Variants in RSPH9 observed in about 807,000 individuals in gnomAD.
RSPH9 encodes the protein radial spoke head protein 9 homolog.
In RSPH9, 27 loss-of-function variants were observed where a neutral mutation model predicts 27.0. The observed-to-expected ratio is 1.00, with a 90% CI of 0.74 to 1.38. RSPH9 has a LOEUF of 1.38. RSPH9 is among the 40% of genes most tolerant of loss of function. The probability of loss-of-function intolerance (pLI) is 0.00; values close to 1 mark genes in which losing one functional copy is unlikely to be tolerated. For missense variants in RSPH9, 347 were observed against 357.4 expected, an observed-to-expected ratio of 0.97 and a Z score of 0.24; for synonymous variants, 145 against 147.7, an observed-to-expected ratio of 0.98 and a Z score of 0.13.
intron 4 of RSPH9, among the ~76,000 whole-genome samples, chr6:43,667,235 G>A (rs547439906): frequency 6.6e-6 from 1 of 152,356 alleles, no homozygotes; most frequent in Admixed American, 6.5e-5. Context: ...GTAAACTAGA[G>A]GGTGCCTTGC....
chr6:43,669,387 G>A (rs1410439411), intron 4 of RSPH9, among the ~76,000 whole-genome samples: 1 of 152,224 alleles, frequency 6.6e-6, no homozygotes, highest in Non-Finnish European at 1.5e-5. Flanking sequence ...AAGGGTGCAT[G>A]AGCTGCCATG....
intron 4 of RSPH9, among the ~76,000 whole-genome samples, chr6:43,669,070 A>T (rs1033810082): frequency 1.3e-5 from 2 of 152,172 alleles, no homozygotes; most frequent in Non-Finnish European, 2.9e-5. Flanking sequence ...GAGGCAGAGG[A>T]CCTCAAGCAC....
intron 4 of RSPH9, among the ~76,000 whole-genome samples, chr6:43,663,613 GAC>G (rs1772843819): frequency 6.6e-6 from 1 of 152,156 alleles, no homozygotes; most frequent in Non-Finnish European, 1.5e-5. Flanking sequence ...GAAGTCAGAA[GAC>G]ACACATTTAT....
intron 3 of RSPH9, among the ~76,000 whole-genome samples, chr6:43,655,893 T>A (rs183567720): frequency 6.6e-6 from 1 of 152,246 alleles, no homozygotes; most frequent in Non-Finnish European, 1.5e-5. Context: ...CCTGACTCTC[T>A]TCAGTTTGAG....
At chr6:43,658,411 T>G (rs1772269073) in intron 4 of RSPH9, among the ~76,000 whole-genome samples, 2 of 152,196 alleles carry the variant, frequency 1.3e-5, no homozygotes, top group African/African-American at 4.8e-5. Flanking sequence ...GTCACACATT[T>G]TTTGAAAAGT....
At position 43,649,496 on chromosome 6, in the gene RSPH9, T is replaced by C. The variant is rs144040944; in HGVS notation, c.228-879T>C. Among the ~76,000 whole-genome samples, 66 of 151,900 alleles carry C rather than the reference T, an allele frequency of 4.3e-4. No individual in the cohort carries two copies. The East Asian group carries it at 0.012, about 28-fold the overall frequency. ...CTGGTCAGCTGAGCCATTTTTATGT[T>C]AAGGGGGAACTGGTGGAGAGTGAAG... On this transcript the variant is annotated intron_variant, in intron 1 of 4. Coordinates refer to ENST00000372163, the MANE Select transcript of RSPH9 (RefSeq NM_152732.5).
At chr6:43,664,117 G>T (rs981809175) in intron 4 of RSPH9, among the ~76,000 whole-genome samples, 1 of 152,026 alleles carries the variant, frequency 6.6e-6, no homozygotes, top group Non-Finnish European at 1.5e-5. Flanking sequence ...TGGAAAAATG[G>T]CACTGATATA....
chr6:43,660,015 G>A (rs35289332), intron 4 of RSPH9, among the ~76,000 whole-genome samples: 9,149 of 148,182 alleles, frequency 0.062, 324 homozygotes, highest in Middle Eastern at 0.076. Flanking sequence ...GATTACAGGC[G>A]TGAGCCACCA....
intron 4 of RSPH9, among the ~76,000 whole-genome samples, chr6:43,669,560 G>C (rs1323959844): frequency 6.6e-6 from 1 of 152,262 alleles, no homozygotes; most frequent in East Asian, 1.9e-4. Context: ...GCCAGGCTGA[G>C]CTGGCAGCTG....
intron 1 of RSPH9, among the ~76,000 whole-genome samples, chr6:43,647,479 G>A (rs570471262): frequency 2.4e-4 from 37 of 152,316 alleles, no homozygotes; most frequent in Middle Eastern, 3.4e-3. Context: ...GAGGTGATGG[G>A]TTGGAAAGAT....
intron 4 of RSPH9, among the ~76,000 whole-genome samples, chr6:43,664,259 CG>C (rs1326879372): frequency 6.6e-6 from 1 of 152,052 alleles, no homozygotes; most frequent in African/African-American, 2.4e-5. Flanking sequence ...TTATTTGAGA[CG>C]GAGTTTCTCG....
chr6:43,646,829 G>A (rs566314679), intron 1 of RSPH9, among the ~76,000 whole-genome samples: 90 of 151,832 alleles, frequency 5.9e-4, no homozygotes, highest in African/African-American at 2.0e-3. Context: ...GGTGGCGGGC[G>A]CCTGTAGTCC....
At chr6:43,652,131 C>G (rs1201714987) in intron 2 of RSPH9, among the ~76,000 whole-genome samples, 4 of 151,212 alleles carry the variant, frequency 2.6e-5, no homozygotes, top group Admixed American at 2.6e-4. Context: ...ACGGTGAAAC[C>G]CTGTATCTAC....
At chr6:43,648,087 T>C (rs1187542324) in intron 1 of RSPH9, among the ~76,000 whole-genome samples, 2 of 152,056 alleles carry the variant, frequency 1.3e-5, no homozygotes, top group African/African-American at 4.8e-5. Flanking sequence ...CTGACCAACA[T>C]GGCCTGACCC....
At position 43,672,459 on chromosome 6, in the gene RSPH9, G is replaced by C. The variant is rs891404836; in HGVS notation, c.*1510G>C. On this transcript the variant is annotated 3_prime_UTR_variant, in exon 5 of 5. Coordinates refer to ENST00000372163, the MANE Select transcript of RSPH9 (RefSeq NM_152732.5). The stretch of plus-strand genomic sequence containing the variant: ...TAGGAAGGTTCCTGTAAATAGGAGG[G>C]GGGTGGGGAAAGATGGCTGCCGCCC... 8.5e-6 allele frequency: 4 copies of C among 470,036 alleles called. No individual in the cohort carries two copies. The Admixed American group carries it at 9.4e-5, about 11-fold the overall frequency. The allele number at this position is 470,036 out of a possible 1,614,324, so 29.1% of individuals were successfully genotyped here. A position where few individuals can be genotyped will look rare whatever the true frequency, so the allele number is the denominator to read the frequency against.
At chr6:43,649,171 T>G (rs187943570) in intron 1 of RSPH9, among the ~76,000 whole-genome samples, 9 of 152,078 alleles carry the variant, frequency 5.9e-5, no homozygotes. Flanking sequence ...GAGCAGTTTT[T>G]TTTTGTTTTG....
chr6:43,666,508 C>T (rs1459056209), intron 4 of RSPH9: 6 of 1,548,856 alleles, frequency 3.9e-6, no homozygotes, highest in African/African-American at 1.4e-5. Context: ...GACTCCTGCT[C>T]TGTGTCCATG....
chr6:43,645,391 G>GGGGGCC (rs1770742276), intron 1 of RSPH9, 66 bp downstream of exon 1: 2 of 400,202 alleles, frequency 5.0e-6, no homozygotes, highest in Non-Finnish European at 9.9e-6. Context: ...GGGTGGGCGG[G>GGGGGCC]TCGCAGCAAT....
At position 43,655,673 on chromosome 6, in the gene RSPH9, G is replaced by A; in HGVS notation, c.505G>A (p.Val169Ile). The A allele has an allele frequency of 6.2e-7, 1 of 1,614,240 alleles. No individual in the cohort carries two copies. The highest frequency in any genetic ancestry group is 1.1e-5 in the South Asian group (1 of 91,086). ...CAAGACCCCTTTTGGACCCACCCATGTCAATCGGACCTTTGAAGGTGAGTT... is the reference window on the plus strand; with the variant it reads ...CAAGACCCCTTTTGGACCCACCCATATCAATCGGACCTTTGAAGGTGAGTT... ...LFKTPFGPTHVNRTFEGLSLS... is the reference protein window; with the variant it reads ...LFKTPFGPTHINRTFEGLSLS... Residue 169 changes from valine to isoleucine, a missense_variant, in exon 3 of 5, where the codon GTC (valine) becomes ATC (isoleucine). Coordinates refer to ENST00000372163, the MANE Select transcript of RSPH9 (RefSeq NM_152732.5).
Sources: allele counts gnomAD v4.1 joint callset (sites outside exome capture counted in the v4.1 genomes callset), GRCh38; gene constraint gnomAD v4.1.1; transcripts MANE v1.5; gene names NCBI Gene and HGNC (gene_info 2026-07-23, HGNC 2026-07-21).